MALRD1: variants seen among roughly 807,000 people sequenced by gnomAD.
The protein encoded by MALRD1 is MAM and LDL receptor class A domain containing 1.
Under a neutral mutation model 242.1 loss-of-function variants are expected in MALRD1, and 247 were observed. The ratio of observed to expected loss-of-function variants is 1.02; its 90% CI spans 0.92 to 1.13. The LOEUF (loss-of-function observed/expected upper bound fraction) is 1.13, where lower values mean the gene tolerates loss of function less well. MALRD1 is among the 50% of genes most tolerant of loss of function. The probability of loss-of-function intolerance (pLI) is 0.00; values close to 1 mark genes in which losing one functional copy is unlikely to be tolerated. For synonymous variants in MALRD1, 995 were observed against 866.6 expected (o/e 1.15, Z -2.60); for missense variants, 2,989 against 2,533.1 (o/e 1.18, Z -3.86).
At chr10:19,493,075 T>G (rs1222639685) in intron 30 of MALRD1, among the ~76,000 whole-genome samples, 1 of 152,186 alleles carries the variant, frequency 6.6e-6, no homozygotes, top group African/African-American at 2.4e-5. Context: ...ATTTGTATTG[T>G]TGTGCAACCA....
Position 19,283,142 on chromosome 10 carries a change from A to C in MALRD1, c.3380A>C (p.His1127Pro). 6.5e-7 allele frequency: 1 copy of C among 1,548,948 alleles called. No individual in the cohort carries two copies. Among genetic ancestry groups the C allele is most frequent in the South Asian group, 1.2e-5 (1 of 83,916 alleles). Residue 1127 changes from histidine to proline, a missense_variant, in exon 21 of 40, where the codon CAT becomes CCT. Physicochemically the swap from His to Pro is moderately conservative, Grantham distance 77 (BLOSUM62 -2). Transcript: ENST00000454679. Reference protein sequence around the residue: ...WGLGNGISIHHGEENHRPSVD... With the variant: ...WGLGNGISIHPGEENHRPSVD... The stretch of plus-strand genomic sequence containing the variant: ...CTTGGGAACGGGATCAGCATTCATC[A>C]TGGGGAAGAAAACCACAGGCCATCA...
In MALRD1 at chr10:19,125,286, T is replaced by TTTCC. The variant is rs1837220152; in HGVS notation, c.943+619_943+620insCTTC. On this transcript the variant is annotated intron_variant, in intron 7 of 39. Coordinates refer to ENST00000454679, the MANE Select transcript of MALRD1 (RefSeq NM_001142308.3). ...TTCTTTCTCTTTCTTTCTTTCTTTC[T>TTTCC]TTCTTTCCTTCCTTCCTTCCTTCCT... Among the ~76,000 whole-genome samples, 315 of 112,076 alleles carry TTTCC rather than the reference T, an allele frequency of 2.8e-3. 12 individuals are homozygous for TTTCC. Among genetic ancestry groups the TTTCC allele is most frequent in the South Asian group, 7.7e-3 (25 of 3,226 alleles). 73.5% of individuals were successfully genotyped at this position (112,076 alleles called of 152,430 possible).
intron 36 of MALRD1, among the ~76,000 whole-genome samples, chr10:19,662,081 G>A (rs1354369793): frequency 1.3e-5 from 2 of 152,080 alleles, no homozygotes; most frequent in East Asian, 3.9e-4. Context: ...TGTAATCACA[G>A]AGTATTTTAA....
chr10:19,369,308 T>C (rs1161102869), intron 26 of MALRD1, among the ~76,000 whole-genome samples: 3 of 146,992 alleles, frequency 2.0e-5, no homozygotes, highest in African/African-American at 7.4e-5. Context: ...GATATAAATA[T>C]AATACATAAT....
chr10:19,461,809 A>G (rs1040270828), intron 29 of MALRD1, among the ~76,000 whole-genome samples: 10 of 152,172 alleles, frequency 6.6e-5, no homozygotes, highest in Non-Finnish European at 2.9e-5. Flanking sequence ...TCACCACTGC[A>G]CCCCAACCTG....
chr10:19,055,372 T>A (rs1834632010), intron 1 of MALRD1, among the ~76,000 whole-genome samples: 1 of 152,216 alleles, frequency 6.6e-6, no homozygotes, highest in Admixed American at 6.5e-5. Context: ...TTGTTAATTG[T>A]CATCTTTGCT....
rs1389261602 is a variant in MALRD1, at chr10:19,337,629, T to A, written c.3901+6047T>A. Among the ~76,000 whole-genome samples the A allele has an allele frequency of 2.0e-5, 3 of 152,310 alleles. No homozygotes were observed. In the East Asian group the frequency reaches 5.8e-4, roughly 29 times the overall value. ...CTTTTGTTGAGTTACAGAAGTTCTT[T>A]AGAATTCTAAATCTTAAATCATTAT... On this transcript the variant is annotated intron_variant, in intron 24 of 39. Transcript: ENST00000454679.
intron 2 of MALRD1, 103 bp downstream of exon 2, chr10:19,066,962 C>A: frequency 1.2e-6 from 1 of 842,522 alleles, no homozygotes; most frequent in Non-Finnish European, 1.6e-6. Context: ...TTCCGTTCCC[C>A]ACCACATGTT....
rs1289291862 is a variant in MALRD1, at chr10:19,583,113, GA to G, written c.5681-12080del. On this transcript the variant is annotated intron_variant, in intron 33 of 39. Transcript: ENST00000454679. Reference sequence around the variant, plus strand: ...TGCTGAAGTTGCTTATCAGCTTAAGGAGATTTTGGGCTGAGACGATGGGGTT... The same window carrying G: ...TGCTGAAGTTGCTTATCAGCTTAAGGGATTTTGGGCTGAGACGATGGGGTT... Among the ~76,000 whole-genome samples the G allele has an allele frequency of 2.3e-4, 24 of 105,512 alleles. 1 individual carries two copies. Among genetic ancestry groups the G allele is most frequent in the African/African-American group, 7.9e-4 (18 of 22,642 alleles). The allele number at this position is 105,512 out of a possible 152,430, so 69.2% of individuals were successfully genotyped here. A position where few individuals can be genotyped will look rare whatever the true frequency, so the allele number is the denominator to read the frequency against.
intron 24 of MALRD1, among the ~76,000 whole-genome samples, chr10:19,337,478 AT>A (rs1182895449): frequency 1.3e-5 from 2 of 151,966 alleles, no homozygotes; most frequent in East Asian, 1.9e-4. Context: ...GGTGGTTTTG[AT>A]TTGTATTTTC....
chr10:19,295,037 G>A (rs1303576174), intron 21 of MALRD1, among the ~76,000 whole-genome samples: 4 of 151,920 alleles, frequency 2.6e-5, no homozygotes, highest in African/African-American at 4.8e-5. Context: ...TCCATTAAGT[G>A]AATGTACCAA....
intron 21 of MALRD1, among the ~76,000 whole-genome samples, chr10:19,301,227 T>A (rs1841939978): frequency 6.6e-6 from 1 of 151,948 alleles, no homozygotes; most frequent in Non-Finnish European, 1.5e-5. Context: ...CTGACGAGGT[T>A]AGGGAGAAAA....
At chr10:19,528,057 C>CA (rs1834180647) in intron 31 of MALRD1, among the ~76,000 whole-genome samples, 1 of 152,056 alleles carries the variant, frequency 6.6e-6, no homozygotes, top group African/African-American at 2.4e-5. Flanking sequence ...AATAAGAAAA[C>CA]AAGCCGTATT....
At chr10:19,490,916 A>C (rs978671723) in intron 29 of MALRD1, among the ~76,000 whole-genome samples, 1 of 152,208 alleles carries the variant, frequency 6.6e-6, no homozygotes, top group Non-Finnish European at 1.5e-5. Flanking sequence ...GTGTATAAAA[A>C]AGGAAAATTT....
At chr10:19,359,518 G>A (rs12255034) in intron 26 of MALRD1, among the ~76,000 whole-genome samples, 2 of 152,044 alleles carry the variant, frequency 1.3e-5, no homozygotes, top group Admixed American at 1.3e-4. Context: ...CACAGCATTA[G>A]ATGCACTGTG....
At chr10:19,680,785 T>A (rs905266374) in intron 36 of MALRD1, among the ~76,000 whole-genome samples, 3 of 152,170 alleles carry the variant, frequency 2.0e-5, no homozygotes, top group Admixed American at 2.0e-4. Context: ...CAGTTTTTCC[T>A]TTCCATATTT....
intron 28 of MALRD1, among the ~76,000 whole-genome samples, chr10:19,423,409 T>C (rs1833786804): frequency 6.6e-6 from 1 of 151,952 alleles, no homozygotes; most frequent in African/African-American, 2.4e-5. Context: ...TATTAAATAA[T>C]ATATTAAATG....
In MALRD1 at chr10:19,492,728, C is replaced by G. The variant is rs573769153; in HGVS notation, c.5158+1083C>G. Among the ~76,000 whole-genome samples, 22 of 152,218 alleles carry G rather than the reference C, an allele frequency of 1.4e-4. 1 individual carries two copies. Among genetic ancestry groups the G allele is most frequent in the African/African-American group, 5.3e-4 (22 of 41,530 alleles). ...TGCATAATACCATACCTGATTCCTGCTAATGGCCAAGCAAATAACAAAGTC... is the reference window on the plus strand; with the variant it reads ...TGCATAATACCATACCTGATTCCTGGTAATGGCCAAGCAAATAACAAAGTC... On this transcript the variant is annotated intron_variant, in intron 30 of 39. Transcript: ENST00000454679.
At chr10:19,251,509 G>A (rs1260551749) in intron 18 of MALRD1, among the ~76,000 whole-genome samples, 1 of 151,862 alleles carries the variant, frequency 6.6e-6, no homozygotes, top group East Asian at 1.9e-4. Context: ...CTGTGGAAAT[G>A]GAAGGTACTT....
Sources: allele counts gnomAD v4.1 joint callset (sites outside exome capture counted in the v4.1 genomes callset), GRCh38; gene constraint gnomAD v4.1.1; transcripts MANE v1.5; gene names NCBI Gene and HGNC (gene_info 2026-07-23, HGNC 2026-07-21).